The following PRORP variants were observed in gnomAD, a reference collection of about 807,000 sequenced individuals.
PRORP encodes protein only RNase P catalytic subunit.
PRORP carries 51 observed loss-of-function variants against 59.4 expected under a neutral mutation model. The observed-to-expected ratio is 0.86, with a 90% CI of 0.69 to 1.08. The LOEUF (loss-of-function observed/expected upper bound fraction) is 1.08, where lower values mean the gene tolerates loss of function less well. PRORP is among the 50% of genes least tolerant of loss of function. PRORP has a pLI of 0.00. For missense variants in PRORP, 646 were observed against 690.3 expected (o/e 0.94, Z 0.72); for synonymous variants, 231 against 245.6 (o/e 0.94, Z 0.55).
intron 5 of PRORP, among the ~76,000 whole-genome samples, chr14:35,195,908 C>T (rs1000633027): frequency 2.0e-5 from 3 of 152,092 alleles, no homozygotes; most frequent in Non-Finnish European, 2.9e-5. Context: ...GTTTAAATTA[C>T]CTAGTTATGA....
chr14:35,130,816 T>A (rs11621710), intron 4 of PRORP, among the ~76,000 whole-genome samples: 61,361 of 151,504 alleles, frequency 0.41, 13,138 homozygotes, highest in Non-Finnish European at 0.49. Context: ...TTTTTTTTTT[T>A]AAATATAGAG....
At chr14:35,227,072 AT>A (rs562890212) in intron 5 of PRORP, among the ~76,000 whole-genome samples, 203 of 151,478 alleles carry the variant, frequency 1.3e-3, no homozygotes, top group South Asian at 3.6e-3. Context: ...ATATTGGTGG[AT>A]TTTGGTTATC....
chr14:35,167,071 G>A (rs1365534304), intron 4 of PRORP, among the ~76,000 whole-genome samples: 1 of 152,042 alleles, frequency 6.6e-6, no homozygotes, highest in Non-Finnish European at 1.5e-5. Context: ...ATTATTCCTT[G>A]GTGTCATGTG....
At chr14:35,267,301 C>T (rs1219320265) in intron 6 of PRORP, among the ~76,000 whole-genome samples, 1 of 152,162 alleles carries the variant, frequency 6.6e-6, no homozygotes, top group Non-Finnish European at 1.5e-5. Flanking sequence ...CAGGTAATGT[C>T]ATTCCAGGCA....
chr14:35,164,626 A>G (rs1441903309), intron 4 of PRORP, among the ~76,000 whole-genome samples: 3 of 152,172 alleles, frequency 2.0e-5, no homozygotes, highest in Admixed American at 2.0e-4. Context: ...CAGACACTGC[A>G]GACTGCTAGA....
intron 6 of PRORP, among the ~76,000 whole-genome samples, chr14:35,268,138 A>G (rs1278890193): frequency 6.6e-6 from 1 of 152,100 alleles, no homozygotes; most frequent in Non-Finnish European, 1.5e-5. Flanking sequence ...ACTCAAGATC[A>G]GGAGTTTGAG....
intron 4 of PRORP, among the ~76,000 whole-genome samples, chr14:35,160,867 T>TATGTAG (rs1428316097): frequency 1.1e-4 from 16 of 152,210 alleles, no homozygotes; most frequent in Admixed American, 3.9e-4. Flanking sequence ...AAAACATGAT[T>TATGTAG]TATGAACCAT....
chr14:35,134,207 C>T (rs1390797815), intron 4 of PRORP, among the ~76,000 whole-genome samples: 3 of 152,128 alleles, frequency 2.0e-5, no homozygotes, highest in Admixed American at 2.0e-4. Context: ...ACAGTTCTTC[C>T]CACTCTTCCC....
intron 4 of PRORP, among the ~76,000 whole-genome samples, chr14:35,148,753 T>C (rs559182637): frequency 2.6e-5 from 4 of 152,278 alleles, no homozygotes; most frequent in Admixed American, 2.6e-4. Context: ...TGTTGCTTAG[T>C]GTAGCCACCT....
intron 4 of PRORP, among the ~76,000 whole-genome samples, chr14:35,154,821 A>C (rs139838774): frequency 3.3e-4 from 50 of 152,322 alleles, no homozygotes; most frequent in African/African-American, 1.1e-3. Flanking sequence ...AATCAGAGGA[A>C]TCTGAACACC....
At chr14:35,235,134 T>G in intron 5 of PRORP, 1 of 513,916 alleles carries the variant, frequency 1.9e-6, no homozygotes, top group Non-Finnish European at 3.7e-6. Context: ...TTTGTATTAT[T>G]TTAATTATTT....
intron 4 of PRORP, among the ~76,000 whole-genome samples, chr14:35,147,167 A>G (rs2047631878): frequency 6.6e-6 from 1 of 152,276 alleles, no homozygotes; most frequent in Admixed American, 6.5e-5. Flanking sequence ...TTATGTCTAA[A>G]AAAATATATA....
intron 5 of PRORP, among the ~76,000 whole-genome samples, chr14:35,203,100 T>A (rs1331871532): frequency 2.6e-5 from 4 of 152,222 alleles, no homozygotes; most frequent in Non-Finnish European, 4.4e-5. Flanking sequence ...ATTTTTAAAG[T>A]TACTGGAAAT....
Position 35,190,637 on chromosome 14 carries a change from C to T in PRORP, c.1275+9860C>T, listed in dbSNP as rs919643946. ...TCTCCTGCCTCAGCCGCCTGAGTAGCGGGGATTACAGGCACGTGCCACCAC... is the reference window on the plus strand; with the variant it reads ...TCTCCTGCCTCAGCCGCCTGAGTAGTGGGGATTACAGGCACGTGCCACCAC... On this transcript the variant is annotated intron_variant, in intron 5 of 7. Coordinates refer to ENST00000534898, the MANE Select transcript of PRORP (RefSeq NM_014672.4). Among the ~76,000 whole-genome samples, 10 of 152,050 alleles carry T rather than the reference C, an allele frequency of 6.6e-5. No individual in the cohort carries two copies. The East Asian group carries it at 1.8e-3, about 27-fold the overall frequency.
intron 4 of PRORP, among the ~76,000 whole-genome samples, chr14:35,138,689 A>C (rs958183252): frequency 6.9e-6 from 1 of 145,828 alleles, no homozygotes; most frequent in African/African-American, 2.4e-5. Context: ...AAAACAAAGT[A>C]AATTAGATGA....
intron 5 of PRORP, among the ~76,000 whole-genome samples, chr14:35,198,355 T>A (rs1347523340): frequency 6.6e-6 from 1 of 152,166 alleles, no homozygotes; most frequent in South Asian, 2.1e-4. Flanking sequence ...AACCGGTGAA[T>A]GGATTGTGTA....
chr14:35,273,806 A>G lies in PRORP; in HGVS notation c.*240A>G, dbSNP rs530005201. Reference sequence around the variant, plus strand: ...AGAGTTGGAGAACTTAGTGTAGAGCAAAACCTGCATTTCTCCTACTGGGCC... The same window carrying G: ...AGAGTTGGAGAACTTAGTGTAGAGCGAAACCTGCATTTCTCCTACTGGGCC... On this transcript the variant is annotated 3_prime_UTR_variant, in exon 8 of 8. Transcript: ENST00000534898. 2.8e-5 allele frequency: 8 copies of G among 288,598 alleles called. 1 individual carries two copies. The South Asian group carries it at 6.1e-4, about 22-fold the overall frequency. The allele number at this position is 288,598 out of a possible 1,614,324, so 17.9% of individuals were successfully genotyped here.
chr14:35,156,762 T>C (rs1362520805), intron 4 of PRORP, among the ~76,000 whole-genome samples: 1 of 152,162 alleles, frequency 6.6e-6, no homozygotes, highest in Non-Finnish European at 1.5e-5. Flanking sequence ...CAAGAAAATA[T>C]GATAAGGCCA....
intron 5 of PRORP, among the ~76,000 whole-genome samples, chr14:35,197,157 C>G (rs1283903338): frequency 1.3e-5 from 2 of 152,122 alleles, no homozygotes; most frequent in Non-Finnish European, 2.9e-5. Flanking sequence ...AAGTTGATTT[C>G]CCATCACTGA....
Sources: allele counts gnomAD v4.1 joint callset (sites outside exome capture counted in the v4.1 genomes callset), GRCh38; gene constraint gnomAD v4.1.1; transcripts MANE v1.5; gene names NCBI Gene and HGNC (gene_info 2026-07-23, HGNC 2026-07-21).